The following ZNF248 variants were observed in gnomAD, a reference collection of about 807,000 sequenced individuals.
ZNF248 encodes the protein KRAB protein domain.
Under a neutral mutation model 44.3 loss-of-function variants are expected in ZNF248, and 20 were observed. The ratio of observed to expected loss-of-function variants is 0.45; its 90% CI spans 0.32 to 0.66. The LOEUF (loss-of-function observed/expected upper bound fraction) is 0.66. Ranked by LOEUF, ZNF248 falls within the 30% of genes least tolerant of loss-of-function variation. ZNF248 has a pLI of 0.04. For synonymous variants in ZNF248, 224 were observed against 229.0 expected, an observed-to-expected ratio of 0.98 and a Z score of 0.20; for missense variants, 654 against 677.0, an observed-to-expected ratio of 0.97 and a Z score of 0.38.
At chr10:37,820,573 A>G (rs2053302085) in intron 6 of ZNF248, 1 of 1,600,836 alleles carries the variant, frequency 6.2e-7, no homozygotes, top group Non-Finnish European at 8.5e-7. Context: ...CGCTTCCCCC[A>G]GCAAACTCAA....
downstream of ZNF248, among the ~76,000 whole-genome samples, chr10:37,775,088 G>A (rs1348787384): frequency 1.3e-5 from 2 of 151,908 alleles, no homozygotes; most frequent in Admixed American, 6.6e-5. Flanking sequence ...TTATTCTTAC[G>A]GTCAAAACAA....
downstream of ZNF248, among the ~76,000 whole-genome samples, chr10:37,826,380 T>C (rs2054394632): frequency 6.6e-6 from 1 of 152,220 alleles, no homozygotes; most frequent in South Asian, 2.1e-4. Context: ...GTGATTTTAA[T>C]GTCTATTTTC....
At chr10:37,780,585 A>G (rs964712628) in intron 6 of ZNF248, among the ~76,000 whole-genome samples, 2 of 152,020 alleles carry the variant, frequency 1.3e-5, no homozygotes, top group Admixed American at 1.3e-4. Flanking sequence ...ACAGGTGAGG[A>G]CTCCTCGTCC....
chr10:37,766,208 C>G, the ZNF248 span, among the ~76,000 whole-genome samples: 2 of 152,238 alleles, frequency 1.3e-5, no homozygotes, highest in African/African-American at 4.8e-5. Flanking sequence ...AAAAAGACAG[C>G]AGTAACCTCT....
chr10:37,829,125 G>C lies in ZNF248; in HGVS notation c.*2490C>G. The C allele has an allele frequency of 2.0e-6, 2 of 985,464 alleles. No homozygotes were observed. The highest frequency in any genetic ancestry group is 2.4e-6 in the Non-Finnish European group (2 of 829,954). 61.0% of individuals were successfully genotyped at this position (985,464 alleles called of 1,614,324 possible). A position where few individuals can be genotyped will look rare whatever the true frequency, so the allele number is the denominator to read the frequency against. ...CCTGGGCTCTCCAGCAGATGTATCT[G>C]GTTGGTTTCTCCAAAGAGAGACACC... On this transcript the variant is annotated 3_prime_UTR_variant, in exon 6 of 6. Transcript: ENST00000395867.
chr10:37,782,410 G>T (rs937893061), intron 6 of ZNF248, among the ~76,000 whole-genome samples: 1 of 152,056 alleles, frequency 6.6e-6, no homozygotes, highest in African/African-American at 2.4e-5. Flanking sequence ...GGCATATTGG[G>T]AAAAGGTGAA....
At chr10:37,845,092 T>G (rs918616075) in intron 3 of ZNF248, among the ~76,000 whole-genome samples, 11 of 151,880 alleles carry the variant, frequency 7.2e-5, no homozygotes, top group African/African-American at 2.7e-4. Flanking sequence ...CTAGGCTCAC[T>G]GCAACCTCTG....
rs760457704 is a variant in ZNF248, at chr10:37,815,170, G to A, written c.330+17855C>T. ...CAACCTCTGCCTCCTGGGTTCAAGCGATTCTCCTGCCTCAGCCTCCCAAAT... is the reference window on the plus strand; with the variant it reads ...CAACCTCTGCCTCCTGGGTTCAAGCAATTCTCCTGCCTCAGCCTCCCAAAT... On this transcript the variant is annotated intron_variant, in intron 6 of 6. Transcript: ENST00000615949. 1.4e-4 allele frequency among the ~76,000 whole-genome samples: 22 copies of A among 151,966 alleles called. No homozygotes were observed. In the East Asian group the frequency reaches 3.1e-3, roughly 22 times the overall value.
At chr10:37,824,014 ATG>A (rs1417190441), downstream of ZNF248, among the ~76,000 whole-genome samples, 3 of 152,110 alleles carry the variant, frequency 2.0e-5, no homozygotes, top group Non-Finnish European at 4.4e-5. Context: ...AACCAATAAG[ATG>A]TATATATAGA....
intron 6 of ZNF248, among the ~76,000 whole-genome samples, chr10:37,779,690 A>C (rs948375670): frequency 1.3e-5 from 2 of 151,824 alleles, no homozygotes; most frequent in African/African-American, 4.8e-5. Flanking sequence ...GAAGAAAATA[A>C]AGGGTATTCA....
chr10:37,785,779 A>C (rs142369315), intron 6 of ZNF248, among the ~76,000 whole-genome samples: 110 of 152,284 alleles, frequency 7.2e-4, no homozygotes, highest in Non-Finnish European at 1.4e-3. Context: ...GTTTATTATT[A>C]TTTGTGGCAA....
At chr10:37,828,617 C>T (rs757907222), downstream of ZNF248, 35 of 927,760 alleles carry the variant, frequency 3.8e-5, no homozygotes, top group African/African-American at 1.6e-4. Context: ...GTAAATGCCA[C>T]CCCGTGATCA....
downstream of ZNF248, among the ~76,000 whole-genome samples, chr10:37,828,411 T>C (rs2054751093): frequency 1.3e-5 from 2 of 152,218 alleles, no homozygotes; most frequent in Admixed American, 1.3e-4. Context: ...TTTCAATAGA[T>C]TACAGAGCAA....
At chr10:37,777,498 C>T (rs971646634) in intron 6 of ZNF248, among the ~76,000 whole-genome samples, 14 of 151,704 alleles carry the variant, frequency 9.2e-5, no homozygotes, top group Non-Finnish European at 1.2e-4. Context: ...CCTCAATAAA[C>T]GCCATGGTTT....
intron 3 of ZNF248, among the ~76,000 whole-genome samples, chr10:37,843,557 C>G (rs766211994): frequency 7.9e-5 from 12 of 151,980 alleles, no homozygotes; most frequent in Non-Finnish European, 1.6e-4. Flanking sequence ...TTCAAAGACA[C>G]AAGAATACAG....
chr10:37,853,373 GA>G (rs1488398278), intron 3 of ZNF248, among the ~76,000 whole-genome samples: 3 of 151,964 alleles, frequency 2.0e-5, no homozygotes, highest in African/African-American at 7.2e-5. Context: ...GAAGTCATCG[GA>G]ATGGTTTTTT....
At chr10:37,774,053 CA>C (rs1317622302), downstream of ZNF248, among the ~76,000 whole-genome samples, 1 of 152,026 alleles carries the variant, frequency 6.6e-6, no homozygotes, top group African/African-American at 2.4e-5. Flanking sequence ...CTCTGGAGAA[CA>C]GTGATTGACA....
chr10:37,844,689 C>T (rs1338745885), intron 3 of ZNF248, among the ~76,000 whole-genome samples: 1 of 152,060 alleles, frequency 6.6e-6, no homozygotes, highest in African/African-American at 2.4e-5. Flanking sequence ...GTGGAATGTT[C>T]ATTGTTAATC....
At chr10:37,780,694 G>A (rs1016542242) in intron 6 of ZNF248, among the ~76,000 whole-genome samples, 4 of 152,136 alleles carry the variant, frequency 2.6e-5, no homozygotes, top group African/African-American at 9.7e-5. Flanking sequence ...CACCCCGCGC[G>A]GGGCCTGGAC....
Sources: gnomAD v4.1 joint callset for allele counts (sites outside exome capture counted in the v4.1 genomes callset) on GRCh38, gnomAD v4.1.1 for gene constraint, MANE v1.5 for transcripts, NCBI Gene and HGNC (gene_info 2026-07-23, HGNC 2026-07-21) for gene names.